IFT80: variants seen among roughly 807,000 people sequenced by gnomAD.
The protein encoded by IFT80 is intraflagellar transport protein 80 homolog.
IFT80 carries 79 observed loss-of-function variants against 107.9 expected under a neutral mutation model. The ratio of observed to expected loss-of-function variants is 0.73; its 90% CI spans 0.61 to 0.88. IFT80 has a LOEUF of 0.88. Ranked by LOEUF, IFT80 falls within the 40% of genes least tolerant of loss-of-function variation. The pLI is 0.00. For synonymous variants in IFT80, 299 were observed against 300.9 expected (o/e 0.99, Z 0.07); for missense variants, 797 against 914.2 (o/e 0.87, Z 1.65).
chr3:160,269,365 T>C (rs1191020965), intron 18 of IFT80, among the ~76,000 whole-genome samples: 1 of 152,218 alleles, frequency 6.6e-6, no homozygotes, highest in African/African-American at 2.4e-5. Flanking sequence ...CTGGTATCTT[T>C]ACATTATTAC....
intron 7 of IFT80, among the ~76,000 whole-genome samples, chr3:160,356,417 T>C (rs78505080): frequency 0.043 from 6,596 of 152,258 alleles, 456 homozygotes; most frequent in African/African-American, 0.14. Context: ...TATAACACTG[T>C]CATAATTTTC....
At chr3:160,347,643 C>G (rs374273866) in intron 8 of IFT80, among the ~76,000 whole-genome samples, 1 of 152,236 alleles carries the variant, frequency 6.6e-6, no homozygotes, top group East Asian at 1.9e-4. Flanking sequence ...ATTTTACTTA[C>G]GTGAGATCAT....
chr3:160,284,653 A>G (rs966552272), intron 13 of IFT80, among the ~76,000 whole-genome samples: 8 of 152,214 alleles, frequency 5.3e-5, no homozygotes, highest in African/African-American at 1.9e-4. Flanking sequence ...CATCTTGGCA[A>G]TACTGTAATA....
intron 5 of IFT80, among the ~76,000 whole-genome samples, chr3:160,366,922 C>A (rs1300128378): frequency 6.6e-6 from 1 of 151,960 alleles, no homozygotes; most frequent in Non-Finnish European, 1.5e-5. Context: ...CCCTCACAAC[C>A]CCCTCACTAC....
chr3:160,337,363 C>T (rs114743638), intron 8 of IFT80, among the ~76,000 whole-genome samples: 1,541 of 152,238 alleles, frequency 0.01, 27 homozygotes, highest in African/African-American at 0.034. Context: ...TGGTGGTTCA[C>T]GCCTCTAATC....
intron 1 of IFT80, among the ~76,000 whole-genome samples, chr3:160,397,600 A>G (rs1208667881): frequency 6.6e-6 from 1 of 152,156 alleles, no homozygotes; most frequent in Non-Finnish European, 1.5e-5. Flanking sequence ...CAAACTGAGG[A>G]AACTGTCAAG....
chr3:160,355,981 C>A, intron 8 of IFT80, 32 bp downstream of exon 8: 1 of 1,612,750 alleles, frequency 6.2e-7, no homozygotes, highest in Non-Finnish European at 8.5e-7. Context: ...TTTATGACAG[C>A]ACATCTGTGA....
At chr3:160,348,921 T>A (rs1477526376) in intron 8 of IFT80, among the ~76,000 whole-genome samples, 1 of 152,090 alleles carries the variant, frequency 6.6e-6, no homozygotes, top group Non-Finnish European at 1.5e-5. Flanking sequence ...GGACTAGGAA[T>A]AGAGTAGGGA....
chr3:160,337,549 G>A (rs1355301956), intron 8 of IFT80, among the ~76,000 whole-genome samples: 1 of 152,072 alleles, frequency 6.6e-6, no homozygotes, highest in Non-Finnish European at 1.5e-5. Context: ...GCTTGAACTT[G>A]GGAGGCTGAG....
intron 3 of IFT80, among the ~76,000 whole-genome samples, chr3:160,380,961 A>C (rs959792574): frequency 1.3e-5 from 2 of 152,040 alleles, no homozygotes; most frequent in African/African-American, 2.4e-5. Flanking sequence ...CCAGCTGGGC[A>C]TGGTGGCTCA....
Position 160,312,697 on chromosome 3 carries a change from AAATATAT to A in IFT80, c.958-4923_958-4917del, listed in dbSNP as rs1263668036. Among the ~76,000 whole-genome samples, 43 of 46,042 alleles carry A rather than the reference AAATATAT, an allele frequency of 9.3e-4. No homozygotes were observed. In the South Asian group the frequency reaches 0.01, roughly 11 times the overall value. The allele number at this position is 46,042 out of a possible 152,430, so 30.2% of individuals were successfully genotyped here. On this transcript the variant is annotated intron_variant, in intron 9 of 19. Coordinates refer to ENST00000326448, the MANE Select transcript of IFT80 (RefSeq NM_020800.3). ...TATATAATAAATATATATTATATATAAATATATAATATATAATATATATAATAAATAT... is the reference window on the plus strand; with the variant it reads ...TATATAATAAATATATATTATATATAAATATATAATATATATAATAAATAT...
At chr3:160,295,481 T>C (rs1384270492) in intron 12 of IFT80, among the ~76,000 whole-genome samples, 2 of 152,016 alleles carry the variant, frequency 1.3e-5, no homozygotes, top group Non-Finnish European at 1.5e-5. Context: ...GGTGCCTGCC[T>C]GCCTGTAGCC....
At chr3:160,379,515 T>G (rs986388821) in intron 3 of IFT80, among the ~76,000 whole-genome samples, 1 of 152,142 alleles carries the variant, frequency 6.6e-6, no homozygotes, top group Non-Finnish European at 1.5e-5. Context: ...TAAAAGTACA[T>G]GTCTGCAAAC....
intron 1 of IFT80, among the ~76,000 whole-genome samples, chr3:160,390,224 T>C (rs992673427): frequency 2.6e-5 from 4 of 151,680 alleles, no homozygotes; most frequent in African/African-American, 4.8e-5. Flanking sequence ...TTGAGACCAG[T>C]CTGACAAACA....
intron 19 of IFT80, among the ~76,000 whole-genome samples, chr3:160,261,675 T>C (rs535220432): frequency 6.6e-6 from 1 of 150,736 alleles, no homozygotes; most frequent in African/African-American, 2.4e-5. Context: ...GTGGCATTCA[T>C]CTCTAGTCCC....
chr3:160,314,316 G>A (rs1717627707), intron 9 of IFT80, among the ~76,000 whole-genome samples: 1 of 152,072 alleles, frequency 6.6e-6, no homozygotes, highest in Non-Finnish European at 1.5e-5. Context: ...CACTAGAAAT[G>A]CCTCACCCTT....
At chr3:160,311,589 G>T (rs969491749) in intron 9 of IFT80, among the ~76,000 whole-genome samples, 18 of 152,156 alleles carry the variant, frequency 1.2e-4, no homozygotes, top group Non-Finnish European at 1.6e-4. Context: ...TGTAAAGAGG[G>T]GAGTAGTCTG....
intron 8 of IFT80, among the ~76,000 whole-genome samples, chr3:160,327,720 A>G (rs1458338046): frequency 6.6e-6 from 1 of 152,230 alleles, no homozygotes; most frequent in Non-Finnish European, 1.5e-5. Flanking sequence ...TGTAAAACAC[A>G]AAACTATAAA....
intron 18 of IFT80, among the ~76,000 whole-genome samples, chr3:160,272,851 T>C (rs1388639679): frequency 6.6e-6 from 1 of 152,176 alleles, no homozygotes; most frequent in Non-Finnish European, 1.5e-5. Flanking sequence ...ACCATTACCT[T>C]ATACTTGTAC....
Sources: gnomAD v4.1 joint callset for allele counts (sites outside exome capture counted in the v4.1 genomes callset) on GRCh38, gnomAD v4.1.1 for gene constraint, MANE v1.5 for transcripts, NCBI Gene and HGNC (gene_info 2026-07-23, HGNC 2026-07-21) for gene names.